ZNF395: variants seen among roughly 807,000 people sequenced by gnomAD.
ZNF395 encodes HD gene regulatory region-binding protein 2.
In ZNF395, 20 loss-of-function variants were observed where a neutral mutation model predicts 57.7. That is an observed-to-expected ratio of 0.35 (90% confidence interval 0.24 to 0.50). ZNF395 has a LOEUF of 0.50. Ranked by LOEUF, ZNF395 falls within the 20% of genes least tolerant of loss-of-function variation. The pLI, the probability that ZNF395 is intolerant of heterozygous loss-of-function variation, is 0.97. For missense variants in ZNF395, 606 were observed against 671.2 expected (o/e 0.90, Z 1.07); for synonymous variants, 295 against 275.9 (o/e 1.07, Z -0.69).
At position 28,348,753 on chromosome 8, in the gene ZNF395, C is replaced by T. The variant is rs765804551; in HGVS notation, c.1508G>A (p.Arg503Gln). 16 of 1,613,960 alleles carry T rather than the reference C, an allele frequency of 9.9e-6. No homozygotes were observed. Among genetic ancestry groups the T allele is most frequent in the Admixed American group, 1.7e-5 (1 of 59,994 alleles). Reference protein sequence around the residue: ...EHRDQWCTACRWKKACQRFLD With the variant: ...EHRDQWCTACQWKKACQRFLD ...AAAGCGCTGGCAGGCCTTCTTCCACCGGCAGGCCGTGCACCACTGGTCCCG... is the reference window on the plus strand; with the variant it reads ...AAAGCGCTGGCAGGCCTTCTTCCACTGGCAGGCCGTGCACCACTGGTCCCG... The change falls in exon 10 of 10, where the codon CGG (arginine) becomes CAG (glutamine). Residue 503 changes from arginine (R) to glutamine (Q), a missense_variant. By Grantham distance (43) the Arg-to-Gln change is conservative (BLOSUM62 1). Coordinates refer to ENST00000344423, the MANE Select transcript of ZNF395 (RefSeq NM_018660.3).
rs745839630 is a variant in ZNF395 at position 28,351,818 on chromosome 8, G to A, written c.921-11C>T. On this transcript the variant is annotated splice_polypyrimidine_tract_variant and intron_variant, in intron 6 of 9. Coordinates refer to ENST00000344423, the MANE Select transcript of ZNF395 (RefSeq NM_018660.3). The stretch of plus-strand genomic sequence containing the variant: ...GAGTCCACTGTGTCCCTGTGTGGGA[G>A]GGAGATGCGGTATAATCAGGGGCAC... The A allele has an allele frequency of 1.3e-6, 2 of 1,531,908 alleles. No homozygotes were observed. The highest frequency in any genetic ancestry group is 2.5e-5 in the South Asian group (2 of 81,310). 94.9% of individuals were successfully genotyped at this position (1,531,908 alleles called of 1,614,324 possible).
chr8:28,353,291 T>TGGGGGGGCGGGGGGGG lies in ZNF395; in HGVS notation c.700_701insCCCCCCCCGCCCCCCC (p.His234ProfsTer24). ...CAAATACTTGGGGCTGGCCTGGGGGTGGGGGGGCGAGGGGGTGGAGACACC... is the reference window on the plus strand; with the variant it reads ...CAAATACTTGGGGCTGGCCTGGGGGTGGGGGGGCGGGGGGGGGGGGGGGCGAGGGGGTGGAGACACC... On this transcript the variant is annotated frameshift_variant, in exon 5 of 10. Transcript: ENST00000344423. LOFTEE classifies it high-confidence loss of function. 2.2e-6 allele frequency: 1 copy of TGGGGGGGCGGGGGGGG among 445,392 alleles called. No individual in the cohort carries two copies. Among genetic ancestry groups the TGGGGGGGCGGGGGGGG allele is most frequent in the Admixed American group, 3.9e-5 (1 of 25,914 alleles). 27.6% of individuals were successfully genotyped at this position (445,392 alleles called of 1,614,324 possible).
At chr8:28,365,958 C>T (rs894588235) in intron 1 of ZNF395, among the ~76,000 whole-genome samples, 2 of 152,248 alleles carry the variant, frequency 1.3e-5, no homozygotes, top group African/African-American at 2.4e-5. Context: ...CGCCCCCACA[C>T]TTGTGTGCGT....
chr8:28,360,901 A>G lies in ZNF395; in HGVS notation c.224T>C (p.Phe75Ser). The change falls in exon 2 of 10, where the codon TTT becomes TCT. Residue 75 changes from phenylalanine to serine, a missense_variant. Phe to Ser is a radical substitution (Grantham distance 155). Coordinates refer to ENST00000344423, the MANE Select transcript of ZNF395 (RefSeq NM_018660.3). ...TCAACCTACCTTCTGCCCAGGCTGA[A>G]AGGCCACCTGCTGAAGGCCCGAGGT... is the stretch of plus-strand genomic sequence containing the variant. ...PSTSGLQQVA[F>S]QPGQKVYVWY... 1 of 1,613,892 alleles carries G rather than the reference A, an allele frequency of 6.2e-7. No homozygotes were observed. Among genetic ancestry groups the G allele is most frequent in the Non-Finnish European group, 8.5e-7 (1 of 1,179,976 alleles).
intron 4 of ZNF395, among the ~76,000 whole-genome samples, chr8:28,355,766 C>A (rs1178842519): frequency 1.3e-5 from 2 of 152,194 alleles, no homozygotes; most frequent in African/African-American, 2.4e-5. Context: ...GCAATGACTT[C>A]CTTTGGCAGC....
At chr8:28,375,084 G>C (rs1802024364) in intron 1 of ZNF395, among the ~76,000 whole-genome samples, 1 of 152,112 alleles carries the variant, frequency 6.6e-6, no homozygotes, top group African/African-American at 2.4e-5. Context: ...TACCTATAGA[G>C]TCCTTAGAAA....
At position 28,346,552 on chromosome 8, in the gene ZNF395, T is replaced by TA. The variant is rs1801603070; in HGVS notation, c.*2166dup. 6.6e-6 allele frequency: 1 copy of TA among 152,336 alleles called. No homozygotes were observed. Among genetic ancestry groups the TA allele is most frequent in the Admixed American group, 6.5e-5 (1 of 15,282 alleles). The allele number at this position is 152,336 out of a possible 1,614,324, so 9.4% of individuals were successfully genotyped here. On this transcript the variant is annotated 3_prime_UTR_variant, in exon 10 of 10. Transcript: ENST00000344423. ...TGGTTTCCACACTGCTCTCTCCCTTTATTCCTCTCTTTCCTGCCCTGTATA... is the reference window on the plus strand; with the variant it reads ...TGGTTTCCACACTGCTCTCTCCCTTTAATTCCTCTCTTTCCTGCCCTGTATA...
intron 2 of ZNF395, among the ~76,000 whole-genome samples, 182 bp downstream of exon 2, chr8:28,360,703 G>A (rs1291321226): frequency 6.6e-6 from 1 of 152,234 alleles, no homozygotes; most frequent in African/African-American, 2.4e-5. Flanking sequence ...GAGAAGCCCT[G>A]GGTCTACTAA....
In ZNF395 at chr8:28,350,171, G is replaced by C. The variant is rs1801663667; in HGVS notation, c.1234-15C>G. 1.3e-6 allele frequency: 2 copies of C among 1,592,672 alleles called. No individual in the cohort carries two copies. The highest frequency in any genetic ancestry group is 1.7e-6 in the Non-Finnish European group (2 of 1,171,574). ...GATGGCAGAGCCTGCGGAAGACGAG[G>C]GTGTCAGCCCGGATTCTAGCTCAGG... On this transcript the variant is annotated splice_polypyrimidine_tract_variant and intron_variant, in intron 7 of 9. Coordinates refer to ENST00000344423, the MANE Select transcript of ZNF395 (RefSeq NM_018660.3).
chr8:28,386,164 T>A (rs1052868010), intron 1 of ZNF395: 4 of 147,606 alleles, frequency 2.7e-5, no homozygotes, highest in African/African-American at 9.9e-5. Flanking sequence ...CGAGGCTCGG[T>A]TGGCGCCCAC....
intron 1 of ZNF395, among the ~76,000 whole-genome samples, chr8:28,380,489 G>C (rs181934043): frequency 2.0e-5 from 3 of 152,294 alleles, no homozygotes; most frequent in Non-Finnish European, 4.4e-5. Context: ...ATGTTGAACA[G>C]ATCAAGGCCA....
At position 28,351,600 on chromosome 8, in the gene ZNF395, G is replaced by C; in HGVS notation, c.1128C>G (p.Ser376=). The stretch of plus-strand genomic sequence containing the variant: ...CCGGGCCAGGATGTTCTGGGCCGGA[G>C]GACTGGGCTTTGTGCAGAGGTGGTG... ...ALPPPLHKAQ[S]SGPEHPGPES... The change falls in exon 7 of 10, where the codon TCC becomes TCG. Residue 376 remains serine, a synonymous_variant. Coordinates refer to ENST00000344423, the MANE Select transcript of ZNF395 (RefSeq NM_018660.3). 6.2e-7 allele frequency: 1 copy of C among 1,613,784 alleles called. No homozygotes were observed. Among genetic ancestry groups the C allele is most frequent in the African/African-American group, 1.3e-5 (1 of 75,066 alleles).
chr8:28,373,446 C>T (rs1802000333), intron 1 of ZNF395, among the ~76,000 whole-genome samples: 1 of 152,204 alleles, frequency 6.6e-6, no homozygotes, highest in African/African-American at 2.4e-5. Flanking sequence ...CACGTGGCCG[C>T]ATTCTAGATG....
chr8:28,359,904 G>A lies in ZNF395; in HGVS notation c.241-80C>T, dbSNP rs1393842547. The A allele has an allele frequency of 2.0e-6, 3 of 1,524,906 alleles. No homozygotes were observed. Among genetic ancestry groups the A allele is most frequent in the African/African-American group, 2.7e-5 (2 of 73,088 alleles). The allele number at this position is 1,524,906 out of a possible 1,614,324, so 94.5% of individuals were successfully genotyped here. A position where few individuals can be genotyped will look rare whatever the true frequency, so the allele number is the denominator to read the frequency against. On this transcript the variant is annotated intron_variant, in intron 2 of 9. Coordinates refer to ENST00000344423, the MANE Select transcript of ZNF395 (RefSeq NM_018660.3). This position sits in a 1 kb window ranked among gnomAD's most constrained non-coding sequence, Gnocchi z 4.7. ...AGTTCTCATGCACCCCACGTCCCAGGAGCCAGGATCTGCCTGCCACAAACC... is the reference window on the plus strand; with the variant it reads ...AGTTCTCATGCACCCCACGTCCCAGAAGCCAGGATCTGCCTGCCACAAACC...
chr8:28,366,007 C>T (rs1801906285), intron 1 of ZNF395, among the ~76,000 whole-genome samples: 1 of 152,152 alleles, frequency 6.6e-6, no homozygotes. Flanking sequence ...CTCCTACCAC[C>T]CAGGGACACT....
At chr8:28,386,347 C>T (rs1802181991) in intron 1 of ZNF395, 46 bp downstream of exon 1, 2 of 145,738 alleles carry the variant, frequency 1.4e-5, no homozygotes, top group African/African-American at 5.0e-5. Context: ...CGCCTCCGCG[C>T]CCCCGCACCC....
At chr8:28,382,307 G>C (rs528267961) in intron 1 of ZNF395, among the ~76,000 whole-genome samples, 1 of 152,182 alleles carries the variant, frequency 6.6e-6, no homozygotes, top group East Asian at 1.9e-4. Flanking sequence ...GTCCAAACTA[G>C]AACACATCCA....
At position 28,356,371 on chromosome 8, in the gene ZNF395, A is replaced by T. The variant is rs1194614397; in HGVS notation, c.583+299T>A. ...CTATTGGCCTCATTCAGACCCCACC[A>T]AAGTGCTGGGCTCAGCCACTCCCAT... is the stretch of plus-strand genomic sequence containing the variant. On this transcript the variant is annotated intron_variant, in intron 4 of 9. Transcript: ENST00000344423. The surrounding 1 kb of genome is among the most constrained non-coding windows in gnomAD (Gnocchi z 4.0). Among the ~76,000 whole-genome samples, 35 of 152,210 alleles carry T rather than the reference A, an allele frequency of 2.3e-4. 1 individual carries two copies. The highest frequency in any genetic ancestry group is 2.3e-3 in the Admixed American group (35 of 15,280).
Position 28,346,773 on chromosome 8 carries a change from T to G in ZNF395, c.*1946A>C. 6.7e-6 allele frequency: 1 copy of G among 149,038 alleles called. No individual in the cohort carries two copies. The highest frequency in any genetic ancestry group is 2.5e-5 in the African/African-American group (1 of 40,340). The allele number at this position is 149,038 out of a possible 1,614,324, so 9.2% of individuals were successfully genotyped here. ...TCAAGAACGTGCCCTCCCCTCCCCA[T>G]GAGGACCTGAAGCTGGGGGTTGTCT... On this transcript the variant is annotated 3_prime_UTR_variant, in exon 10 of 10. Coordinates refer to ENST00000344423, the MANE Select transcript of ZNF395 (RefSeq NM_018660.3).
Sources: allele counts gnomAD v4.1 joint callset (sites outside exome capture counted in the v4.1 genomes callset), GRCh38; gene constraint gnomAD v4.1.1; non-coding constraint Gnocchi (gnomAD v3.1); transcripts MANE v1.5; gene names NCBI Gene and HGNC (gene_info 2026-07-23, HGNC 2026-07-21).